The following DUS1L variants were observed in gnomAD, a reference collection of about 807,000 sequenced individuals.
DUS1L encodes dihydrouridine synthase 1 like.
Under a neutral mutation model 61.2 loss-of-function variants are expected in DUS1L, and 56 were observed. The ratio of observed to expected loss-of-function variants is 0.92; its 90% CI spans 0.74 to 1.14. The LOEUF (loss-of-function observed/expected upper bound fraction) is 1.14, where lower values mean the gene tolerates loss of function less well. Ranked by LOEUF, DUS1L falls within the 50% of genes most tolerant of loss-of-function variation. The pLI is 0.00. For synonymous variants in DUS1L, 278 were observed against 259.5 expected, an observed-to-expected ratio of 1.07 and a Z score of -0.69; for missense variants, 630 against 632.4, an observed-to-expected ratio of 1.00 and a Z score of 0.04.
intron 8 of DUS1L, 22 bp from the exon 9 acceptor site, chr17:82,060,983 G>A (rs752032652): frequency 5.6e-6 from 9 of 1,602,602 alleles, no homozygotes; most frequent in Admixed American, 3.4e-5. Context: ...GCCCTGTCAC[G>A]CAGGCTGGGC....
In DUS1L at chr17:82,061,324, C is replaced by T. The variant is rs1473468840; in HGVS notation, c.727G>A (p.Glu243Lys). ...TCCCACACGGCAGGGCTCCGGCCCT[C>T]GAACAGGGCGGGGTTGTGCAGGTTG... ...EGNLHNPALF[E>K]GRSPAVWELA... The change falls in exon 8 of 14, where the codon GAG becomes AAG. Residue 243 changes from glutamate (E) to lysine (K), a missense_variant. Transcript: ENST00000306796. The T allele has an allele frequency of 5.0e-6, 8 of 1,606,780 alleles. No individual in the cohort carries two copies. Among genetic ancestry groups the T allele is most frequent in the Non-Finnish European group, 5.9e-6 (7 of 1,176,580 alleles).
intron 3 of DUS1L, 60 bp from the exon 4 acceptor site, chr17:82,063,578 T>C (rs2033616252): frequency 1.9e-6 from 3 of 1,606,196 alleles, no homozygotes; most frequent in Non-Finnish European, 2.6e-6. Context: ...GGCCGAAGCC[T>C]TGCACCCCCT....
intron 7 of DUS1L, 88 bp from the exon 8 acceptor site, chr17:82,061,441 T>C: frequency 6.6e-7 from 1 of 1,514,190 alleles, no homozygotes; most frequent in Non-Finnish European, 8.9e-7. Context: ...GACACCCTTC[T>C]GTGCCACCTC....
At chr17:82,061,502 ACAC>A in intron 7 of DUS1L, 113 bp downstream of exon 7, 1 of 1,426,002 alleles carries the variant, frequency 7.0e-7, no homozygotes, top group Non-Finnish European at 9.6e-7. Flanking sequence ...GGATTGATGA[ACAC>A]CATCTGTGAA....
rs2033659420 is a variant in DUS1L at position 82,064,311 on chromosome 17, G to C, written c.238-77C>G. 8 of 1,275,980 alleles carry C rather than the reference G, an allele frequency of 6.3e-6. No homozygotes were observed. In the African/African-American group the frequency reaches 1.0e-4, roughly 16 times the overall value. 79.0% of individuals were successfully genotyped at this position (1,275,980 alleles called of 1,614,324 possible). On this transcript the variant is annotated intron_variant, in intron 2 of 13. Coordinates refer to ENST00000306796, the MANE Select transcript of DUS1L (RefSeq NM_022156.5). Reference sequence around the variant, plus strand: ...GCTGCCCAGCCCTACGAGAGGTCCAGTGTGACCCCATGAGGGTGTGGGCCC... The same window carrying C: ...GCTGCCCAGCCCTACGAGAGGTCCACTGTGACCCCATGAGGGTGTGGGCCC...
chr17:82,061,544 G>A, intron 7 of DUS1L, 74 bp downstream of exon 7: 1 of 1,503,104 alleles, frequency 6.7e-7, no homozygotes, highest in South Asian at 1.1e-5. Flanking sequence ...AGTAGGCAGT[G>A]GGAGGCACCG....
rs1476394676 is a variant in DUS1L, at chr17:82,059,963, C to A, written c.1153G>T (p.Asp385Tyr). The change falls in exon 11 of 14, where the codon GAC (aspartate) becomes TAC (tyrosine). Residue 385 changes from aspartate to tyrosine, a missense_variant. By Grantham distance (160) the Asp-to-Tyr change is radical. Coordinates refer to ENST00000306796, the MANE Select transcript of DUS1L (RefSeq NM_022156.5). Reference sequence around the variant, plus strand: ...CAGCACTTACGCTTCAGAGAGGGGTCGAAGGTCTTGTGGGGGTTCCTCAGC... The same window carrying A: ...CAGCACTTACGCTTCAGAGAGGGGTAGAAGGTCTTGTGGGGGTTCCTCAGC... ...KQLRNPHKTFDPSLKPKYAKC... is the reference protein window; with the variant it reads ...KQLRNPHKTFYPSLKPKYAKC... 2 of 1,613,812 alleles carry A rather than the reference C, an allele frequency of 1.2e-6. No individual in the cohort carries two copies. Among genetic ancestry groups the A allele is most frequent in the Non-Finnish European group, 1.7e-6 (2 of 1,179,994 alleles).
At chr17:82,059,922 G>T (rs2033388621) in intron 11 of DUS1L, 26 bp downstream of exon 11, 2 of 1,613,578 alleles carry the variant, frequency 1.2e-6, no homozygotes, top group Non-Finnish European at 1.7e-6. Flanking sequence ...GGCTCTCTCG[G>T]GCCCATCAGC....
At chr17:82,064,751 G>T in intron 2 of DUS1L, 72 bp downstream of exon 2, 3 of 1,427,426 alleles carry the variant, frequency 2.1e-6, no homozygotes, top group East Asian at 2.3e-5. Context: ...GCCACAGAGA[G>T]AAGGGTTTTT....
chr17:82,065,114 G>A (rs1236554102), intron 1 of DUS1L, 45 bp from the exon 2 acceptor site: 54 of 1,515,646 alleles, frequency 3.6e-5, no homozygotes, highest in African/African-American at 6.9e-5. Flanking sequence ...GCCCAACGAG[G>A]GGCTTAAGAC....
chr17:82,064,390 C>A, intron 2 of DUS1L, 156 bp from the exon 3 acceptor site: 1 of 639,794 alleles, frequency 1.6e-6, no homozygotes, highest in Admixed American at 2.9e-5. Context: ...TATGACAAAG[C>A]CGGGAGGAGT....
intron 2 of DUS1L, 23 bp from the exon 3 acceptor site, chr17:82,064,257 C>T: frequency 2.5e-6 from 4 of 1,599,616 alleles, no homozygotes; most frequent in South Asian, 2.2e-5. Flanking sequence ...CAGGAGTCAG[C>T]CACGGGCCCA....
At chr17:82,058,564 C>G (rs755423201) in intron 12 of DUS1L, 148 bp from the exon 13 acceptor site, 42 of 1,448,898 alleles carry the variant, frequency 2.9e-5, no homozygotes, top group East Asian at 1.5e-4. Context: ...CCAGATGCCT[C>G]TCCCTCACCC....
chr17:82,062,135 C>A, intron 5 of DUS1L, 152 bp from the exon 6 acceptor site: 1 of 674,694 alleles, frequency 1.5e-6, no homozygotes, highest in Non-Finnish European at 2.4e-6. Context: ...CTGCAGGGAC[C>A]TTTCCCTCAC....
chr17:82,061,937 G>C lies in DUS1L; in HGVS notation c.557C>G (p.Ser186Trp). The change falls in exon 6 of 14, where the codon TCG (serine) becomes TGG (tryptophan). Residue 186 changes from serine (S) to tryptophan (W), a missense_variant. Transcript: ENST00000306796. ...GRTKEQKGPL[S>W]GAASWEHIKA... ...GATATGCTCCCAGGACGCTGCACCC[G>C]ACAGGGGCCCCTTCTGCTCCTTGGT... The C allele has an allele frequency of 6.2e-7, 1 of 1,610,934 alleles. No individual in the cohort carries two copies. The highest frequency in any genetic ancestry group is 8.5e-7 in the Non-Finnish European group (1 of 1,178,902).
chr17:82,058,269 G>A lies in DUS1L; in HGVS notation c.1283-15C>T. 1 of 1,565,266 alleles carries A rather than the reference G, an allele frequency of 6.4e-7. No homozygotes were observed. The highest frequency in any genetic ancestry group is 1.4e-5 in the African/African-American group (1 of 73,560). On this transcript the variant is annotated splice_polypyrimidine_tract_variant and intron_variant, in intron 13 of 13. Transcript: ENST00000306796. The stretch of plus-strand genomic sequence containing the variant: ...CAATCCGTGACCTGGCAGAGCGAGT[G>A]AGAGGAGTCGGGGGTCAGGAGGCGG...
intron 4 of DUS1L, 158 bp from the exon 5 acceptor site, chr17:82,063,131 G>A: frequency 1.5e-6 from 1 of 676,564 alleles, no homozygotes. Context: ...CCCTCAGGTT[G>A]CTGGGCAGGC....
In DUS1L at chr17:82,064,919, G is replaced by A. The variant is rs1432825555; in HGVS notation, c.141C>T (p.Pro47=). ...RRHGAQLCYT[P]MLHAQVFVRD... Reference sequence around the variant, plus strand: ...GGACAAAGACCTGGGCATGCAGCATGGGCGTGTAGCAGAGCTGTGCCCCGT... The same window carrying A: ...GGACAAAGACCTGGGCATGCAGCATAGGCGTGTAGCAGAGCTGTGCCCCGT... Residue 47 remains proline (P), a synonymous_variant, in exon 2 of 14, where the codon CCC becomes CCT. Coordinates refer to ENST00000306796, the MANE Select transcript of DUS1L (RefSeq NM_022156.5). The A allele has an allele frequency of 5.6e-6, 9 of 1,612,576 alleles. No homozygotes were observed. Among genetic ancestry groups the A allele is most frequent in the African/African-American group, 2.7e-5 (2 of 74,924 alleles).
intron 11 of DUS1L, chr17:82,059,133 GC>G (rs1268679053): frequency 7.4e-6 from 3 of 404,612 alleles, no homozygotes; most frequent in Non-Finnish European, 1.4e-5. Context: ...CAGTTTTCCT[GC>G]CCACAGGGTC....
Sources: allele counts gnomAD v4.1 joint callset, GRCh38; gene constraint gnomAD v4.1.1; transcripts MANE v1.5; gene names NCBI Gene and HGNC (gene_info 2026-07-23, HGNC 2026-07-21).